GCNT1: variants seen among roughly 807,000 people sequenced by gnomAD.
The protein encoded by GCNT1 is glucosaminyl (N-acetyl) transferase 1, also known as beta-1,3-galactosyl-O-glycosyl-glycoprotein beta-1,6-N-acetylglucosaminyltransferase.
A neutral mutation model predicts 26.2 loss-of-function variants in GCNT1; 16 were observed. That is an observed-to-expected ratio of 0.61 (90% confidence interval 0.41 to 0.93). GCNT1 has a LOEUF of 0.93. GCNT1 is among the 40% of genes least tolerant of loss of function. GCNT1 has a pLI of 0.00. For synonymous variants in GCNT1, 183 were observed against 190.8 expected, an observed-to-expected ratio of 0.96 and a Z score of 0.34; for missense variants, 477 against 526.7, an observed-to-expected ratio of 0.91 and a Z score of 0.92.
upstream of GCNT1, among the ~76,000 whole-genome samples, chr9:76,417,241 C>T (rs11144885): frequency 0.017 from 2,546 of 152,156 alleles, 68 homozygotes; most frequent in African/African-American, 0.057. Context: ...AATTATAATT[C>T]AGAGGTTATG....
chr9:76,445,562 AT>A (rs1481068745), intron 1 of GCNT1, among the ~76,000 whole-genome samples: 1 of 150,898 alleles, frequency 6.6e-6, no homozygotes, highest in Non-Finnish European at 1.5e-5. Context: ...TAATTTTTGT[AT>A]TTCTTTTTTG....
At chr9:76,471,593 G>A (rs1389222561) in intron 2 of GCNT1, among the ~76,000 whole-genome samples, 1 of 152,096 alleles carries the variant, frequency 6.6e-6, no homozygotes, top group Non-Finnish European at 1.5e-5. Flanking sequence ...TGAGTTCCCT[G>A]AAAATAAGAG....
At chr9:76,412,597 T>C in the GCNT1 span, among the ~76,000 whole-genome samples, 1 of 152,248 alleles carries the variant, frequency 6.6e-6, no homozygotes, top group Non-Finnish European at 1.5e-5. Context: ...ACTCTCTTTG[T>C]AGTGATTTCT....
chr9:76,486,494 CT>C lies in GCNT1; in HGVS notation c.-289-14419del, dbSNP rs1349595562. Reference sequence around the variant, plus strand: ...AAAGCATTGCTCTATTTTAGTCTACCTTTCAGCAGAAGGTGGGCTGTAAATT... The same window carrying C: ...AAAGCATTGCTCTATTTTAGTCTACCTTCAGCAGAAGGTGGGCTGTAAATT... On this transcript the variant is annotated intron_variant, in intron 2 of 3. Transcript: ENST00000376730. Among the ~76,000 whole-genome samples the C allele has an allele frequency of 3.9e-5, 6 of 152,152 alleles. 1 individual carries two copies. In the South Asian group the frequency reaches 1.0e-3, roughly 26 times the overall value.
At chr9:76,414,702 T>C in the GCNT1 span, among the ~76,000 whole-genome samples, 1 of 152,204 alleles carries the variant, frequency 6.6e-6, no homozygotes, top group Non-Finnish European at 1.5e-5. Context: ...GTCATGGTGC[T>C]AGTGGGAGTG....
chr9:76,452,886 A>G (rs1328363999), intron 1 of GCNT1, among the ~76,000 whole-genome samples: 4 of 152,230 alleles, frequency 2.6e-5, no homozygotes, highest in African/African-American at 7.2e-5. Flanking sequence ...TCTTCAATCT[A>G]AGGAGCTTTA....
chr9:76,463,222 C>G (rs958456684), intron 2 of GCNT1, among the ~76,000 whole-genome samples: 2 of 152,144 alleles, frequency 1.3e-5, no homozygotes, highest in Admixed American at 6.5e-5. Flanking sequence ...TTCCAGAAAT[C>G]AAACTAATTT....
intron 2 of GCNT1, among the ~76,000 whole-genome samples, chr9:76,469,581 C>T (rs981496989): frequency 9.9e-5 from 15 of 152,146 alleles, no homozygotes; most frequent in South Asian, 2.1e-4. Context: ...GTGTTTGTTA[C>T]GGCTTGAGCT....
intron 2 of GCNT1, among the ~76,000 whole-genome samples, chr9:76,464,925 C>T (rs1823960174): frequency 6.6e-6 from 1 of 152,162 alleles, no homozygotes; most frequent in African/African-American, 2.4e-5. Context: ...CTTGTTAGGG[C>T]AGGCAGTAGT....
At chr9:76,412,987 T>A in the GCNT1 span, among the ~76,000 whole-genome samples, 1 of 152,328 alleles carries the variant, frequency 6.6e-6, no homozygotes, top group East Asian at 1.9e-4. Context: ...CTTCAGCCCA[T>A]GGGTTCCTCA....
chr9:76,428,265 C>CAAAAAAAAAAAAAAAAAAA (rs869195487), intron 1 of GCNT1, among the ~76,000 whole-genome samples: 2 of 29,770 alleles, frequency 6.7e-5, no homozygotes, highest in African/African-American at 2.0e-4. Context: ...GACTCCGTCT[C>CAAAAAAAAAAAAAAAAAAA]AAAAAAAAAA....
At chr9:76,446,804 G>A (rs555459671) in intron 1 of GCNT1, among the ~76,000 whole-genome samples, 10 of 152,244 alleles carry the variant, frequency 6.6e-5, no homozygotes, top group Admixed American at 5.2e-4. Context: ...GAACATATAT[G>A]GGCCAAGCAT....
chr9:76,394,433 T>G, the GCNT1 span: 5 of 365,154 alleles, frequency 1.4e-5, no homozygotes, highest in African/African-American at 2.2e-5. Context: ...AAGTGCCGGG[T>G]GTGAGCGGGG....
At chr9:76,394,099 T>C in the GCNT1 span, 68 of 1,606,374 alleles carry the variant, frequency 4.2e-5, no homozygotes, top group African/African-American at 8.3e-4. Flanking sequence ...CCTGTGGGGA[T>C]GCCCAGCTGC....
chr9:76,436,367 C>G (rs913617293), intron 1 of GCNT1, among the ~76,000 whole-genome samples: 2 of 151,782 alleles, frequency 1.3e-5, no homozygotes, highest in African/African-American at 4.8e-5. Context: ...GCAGGCAGAT[C>G]ACTTGAGGTC....
intron 2 of GCNT1, among the ~76,000 whole-genome samples, chr9:76,498,792 A>G (rs1396280371): frequency 1.1e-4 from 16 of 150,636 alleles, no homozygotes; most frequent in Non-Finnish European, 1.8e-4. Flanking sequence ...AAAAAAAAAG[A>G]AAAAAAGTGT....
intron 1 of GCNT1, among the ~76,000 whole-genome samples, chr9:76,453,266 G>A (rs760333577): frequency 9.2e-5 from 14 of 152,196 alleles, no homozygotes; most frequent in Non-Finnish European, 1.0e-4. Context: ...GCTGGAGTGG[G>A]TAGGAAAAGG....
chr9:76,486,679 T>C (rs1182229123), intron 2 of GCNT1, among the ~76,000 whole-genome samples: 1 of 152,222 alleles, frequency 6.6e-6, no homozygotes, highest in East Asian at 1.9e-4. Flanking sequence ...GAAAAATTGC[T>C]TATTATCATT....
At chr9:76,444,281 C>A (rs973209347) in intron 1 of GCNT1, among the ~76,000 whole-genome samples, 7 of 152,106 alleles carry the variant, frequency 4.6e-5, no homozygotes, top group Admixed American at 3.3e-4. Flanking sequence ...AGATAGAAAT[C>A]AGAGCGATGT....
Sources: gnomAD v4.1 joint callset for allele counts (sites outside exome capture counted in the v4.1 genomes callset) on GRCh38, gnomAD v4.1.1 for gene constraint, MANE v1.5 for transcripts, NCBI Gene and HGNC (gene_info 2026-07-23, HGNC 2026-07-21) for gene names.